GRM3: variants seen among roughly 807,000 people sequenced by gnomAD.
GRM3 encodes the protein glutamate metabotropic receptor 3, also known as metabotropic glutamate receptor 3.
A neutral mutation model predicts 70.5 loss-of-function variants in GRM3; 26 were observed. The ratio of observed to expected loss-of-function variants is 0.37; its 90% confidence interval spans 0.27 to 0.51. The LOEUF is 0.51. Among genes scored for constraint, GRM3 ranks in the 20% least tolerant of loss-of-function variants. The pLI, the probability that GRM3 is intolerant of heterozygous loss-of-function variation, is 0.93. For synonymous variants in GRM3, 443 were observed against 434.9 expected, an observed-to-expected ratio of 1.02 and a Z score of -0.23; for missense variants, 859 against 1,123.8, an observed-to-expected ratio of 0.76 and a Z score of 3.37.
intron 1 of GRM3, among the ~76,000 whole-genome samples, chr7:86,703,742 G>A (rs1298794126): frequency 6.6e-6 from 1 of 151,938 alleles, no homozygotes; most frequent in Non-Finnish European, 1.5e-5. Context: ...TGACGGCACA[G>A]TCAGAACATC....
rs570322795 is a variant in GRM3, at chr7:86,660,150, A to G, written c.-141+15278A>G. ...GAGGTCCTGAGGAGATAATTACAGG[A>G]ATACAAATCAGAAGAGACAACTTTG... On this transcript the variant is annotated intron_variant, in intron 1 of 5. Transcript: ENST00000361669. Among the ~76,000 whole-genome samples the G allele has an allele frequency of 4.6e-5, 7 of 152,208 alleles. No homozygotes were observed. The East Asian group carries it at 5.8e-4, about 13-fold the overall frequency.
chr7:86,659,394 A>C (rs1793835301), intron 1 of GRM3, among the ~76,000 whole-genome samples: 1 of 152,154 alleles, frequency 6.6e-6, no homozygotes, highest in Non-Finnish European at 1.5e-5. Flanking sequence ...TATGAGGATT[A>C]TGCTATTATG....
intron 1 of GRM3, among the ~76,000 whole-genome samples, chr7:86,685,854 G>A (rs1794552462): frequency 2.1e-5 from 3 of 145,998 alleles, no homozygotes; most frequent in Non-Finnish European, 3.0e-5. Flanking sequence ...GCAGTGAGCC[G>A]AGATCGCACC....
chr7:86,679,811 A>G (rs900224729), intron 1 of GRM3, among the ~76,000 whole-genome samples: 1 of 152,048 alleles, frequency 6.6e-6, no homozygotes, highest in Non-Finnish European at 1.5e-5. Context: ...GTTACCTAAA[A>G]ATAAGAATCA....
chr7:86,737,486 C>T (rs1318783294), intron 1 of GRM3, among the ~76,000 whole-genome samples: 1 of 152,146 alleles, frequency 6.6e-6, no homozygotes, highest in East Asian at 1.9e-4. Context: ...AATAATTATA[C>T]CTTTCAGATT....
intron 2 of GRM3, among the ~76,000 whole-genome samples, chr7:86,777,424 C>T (rs1470325392): frequency 6.6e-6 from 1 of 152,060 alleles, no homozygotes; most frequent in Non-Finnish European, 1.5e-5. Flanking sequence ...TTTGGAATGT[C>T]CATGTGAAAT....
rs532417598 is a variant in GRM3 at position 86,692,602 on chromosome 7, G to A, written c.-141+47730G>A. Among the ~76,000 whole-genome samples, 5 of 152,256 alleles carry A rather than the reference G, an allele frequency of 3.3e-5. No homozygotes were observed. In the South Asian group the frequency reaches 1.0e-3, roughly 32 times the overall value. On this transcript the variant is annotated intron_variant, in intron 1 of 5. Transcript: ENST00000361669. ...CTTTTCTACATAGAGCTTATAGTATGACCCAATAGTATTTCTTTATGTGTC... is the reference window on the plus strand; with the variant it reads ...CTTTTCTACATAGAGCTTATAGTATAACCCAATAGTATTTCTTTATGTGTC...
intron 3 of GRM3, among the ~76,000 whole-genome samples, chr7:86,830,198 C>G (rs924329406): frequency 6.6e-6 from 1 of 152,206 alleles, no homozygotes; most frequent in Non-Finnish European, 1.5e-5. Flanking sequence ...AGTTACCACT[C>G]TACCATAAAC....
chr7:86,735,863 T>A (rs185990974), intron 1 of GRM3, among the ~76,000 whole-genome samples: 1 of 152,218 alleles, frequency 6.6e-6, no homozygotes, highest in South Asian at 2.1e-4. Context: ...ACTTTCTAAT[T>A]CTTTGAAAAC....
intron 2 of GRM3, among the ~76,000 whole-genome samples, chr7:86,770,264 C>G (rs142191805): frequency 9.3e-4 from 142 of 152,184 alleles, no homozygotes; most frequent in Non-Finnish European, 9.4e-4. Flanking sequence ...ACTTCAGGAA[C>G]AAATGAAGAT....
At chr7:86,840,388 CTTCA>C (rs1362619437) in intron 4 of GRM3, among the ~76,000 whole-genome samples, 1 of 152,040 alleles carries the variant, frequency 6.6e-6, no homozygotes. Flanking sequence ...TTCACTCATG[CTTCA>C]TTATTTCTCT....
intron 1 of GRM3, among the ~76,000 whole-genome samples, chr7:86,728,426 G>A (rs1795642445): frequency 6.6e-6 from 1 of 152,202 alleles, no homozygotes; most frequent in African/African-American, 2.4e-5. Flanking sequence ...CTACTAGAAA[G>A]TTTTAAAAAG....
rs141774852 is a variant in GRM3 at position 86,765,367 on chromosome 7, T to C, written c.222T>C (p.Phe74=). Residue 74 remains phenylalanine (F), a synonymous_variant, in exon 2 of 6, where the codon TTT becomes TTC. Transcript: ENST00000361669. ...RGIQRLEAML[F]AIDEINKDDY... is the part of the protein sequence containing the mutation. Reference sequence around the variant, plus strand: ...TTCAACGCCTGGAAGCCATGTTGTTTGCTATTGATGAAATCAACAAAGATG... The same window carrying C: ...TTCAACGCCTGGAAGCCATGTTGTTCGCTATTGATGAAATCAACAAAGATG... 1.1e-4 allele frequency: 178 copies of C among 1,613,956 alleles called. No individual in the cohort carries two copies. The highest frequency in any genetic ancestry group is 1.4e-4 in the Non-Finnish European group (164 of 1,179,900).
At chr7:86,800,479 T>A (rs183833432) in intron 3 of GRM3, among the ~76,000 whole-genome samples, 1 of 152,234 alleles carries the variant, frequency 6.6e-6, no homozygotes, top group Admixed American at 6.5e-5. Flanking sequence ...CCCACAGAAA[T>A]ACAAGCAACC....
rs772305009 is a variant in GRM3, at chr7:86,838,786, C to T, written c.1325-53C>T. 1.8e-5 allele frequency: 18 copies of T among 975,602 alleles called. 1 individual carries two copies. The highest frequency in any genetic ancestry group is 4.8e-5 in the South Asian group (3 of 62,768). The allele number at this position is 975,602 out of a possible 1,614,324, so 60.4% of individuals were successfully genotyped here. On this transcript the variant is annotated intron_variant, in intron 3 of 5. Transcript: ENST00000361669. ...GGCATAAAGTAATTGACTAATCACACGTAAGACACCTAAACAAGTGTTCTT... is the reference window on the plus strand; with the variant it reads ...GGCATAAAGTAATTGACTAATCACATGTAAGACACCTAAACAAGTGTTCTT...
At chr7:86,857,672 G>A (rs982324757) in intron 5 of GRM3, among the ~76,000 whole-genome samples, 13 of 152,268 alleles carry the variant, frequency 8.5e-5, no homozygotes, top group African/African-American at 2.2e-4. Flanking sequence ...TTAGACTTTT[G>A]TCCCTAGGCA....
intron 1 of GRM3, among the ~76,000 whole-genome samples, chr7:86,715,246 T>C (rs1795288220): frequency 6.6e-6 from 1 of 152,000 alleles, no homozygotes; most frequent in Non-Finnish European, 1.5e-5. Flanking sequence ...CATTTCCTGG[T>C]TACCTTGGTT....
At chr7:86,810,725 G>A (rs1797892996) in intron 3 of GRM3, among the ~76,000 whole-genome samples, 1 of 151,870 alleles carries the variant, frequency 6.6e-6, no homozygotes, top group African/African-American at 2.4e-5. Flanking sequence ...TGGTTGTATT[G>A]ACTAGCAAGT....
In GRM3 at chr7:86,838,986, C is replaced by A. The variant is rs757078535; in HGVS notation, c.1472C>A (p.Ser491Ter). 3.7e-6 allele frequency: 6 copies of A among 1,613,934 alleles called. No homozygotes were observed. Among genetic ancestry groups the A allele is most frequent in the Admixed American group, 1.7e-5 (1 of 60,000 alleles). ...LKVGHWAETL[S>*]LDVNSIHWSR... ...GTTGGTCACTGGGCAGAAACCTTAT[C>A]GCTAGATGTCAACTCTATCCACTGG... Residue 491 changes from serine to a stop codon, truncating the protein, a stop_gained, in exon 4 of 6, where the codon TCG becomes TAG. Coordinates refer to ENST00000361669, the MANE Select transcript of GRM3 (RefSeq NM_000840.3). LOFTEE classifies it high-confidence loss of function.
Sources: allele counts gnomAD v4.1 joint callset (sites outside exome capture counted in the v4.1 genomes callset), GRCh38; gene constraint gnomAD v4.1.1; transcripts MANE v1.5; gene names NCBI Gene and HGNC (gene_info 2026-07-23, HGNC 2026-07-21).